ARHGAP10: variants seen among roughly 807,000 people sequenced by gnomAD.
ARHGAP10 encodes Rho GTPase activating protein 10.
In ARHGAP10, 87 loss-of-function variants were observed where a neutral mutation model predicts 108.6. The observed-to-expected ratio is 0.80, with a 90% CI of 0.67 to 0.96. The LOEUF (loss-of-function observed/expected upper bound fraction) is 0.96, where lower values mean the gene tolerates loss of function less well. Among genes scored for constraint, ARHGAP10 ranks in the 40% least tolerant of loss-of-function variants. ARHGAP10 has a pLI of 0.00. For missense variants in ARHGAP10, 939 were observed against 954.5 expected (o/e 0.98, Z 0.21); for synonymous variants, 347 against 341.1 (o/e 1.02, Z -0.19).
In ARHGAP10 at chr4:148,016,525, G is replaced by A. The variant is rs138517590; in HGVS notation, c.1717-6738G>A. Among the ~76,000 whole-genome samples, 373 of 152,018 alleles carry A rather than the reference G, an allele frequency of 2.5e-3. 1 individual carries two copies. The highest frequency in any genetic ancestry group is 8.6e-3 in the African/African-American group (357 of 41,414). ...TCTCTGAAAGAAAAAAAAAATTGAG[G>A]GAAAAAATGCAAATTGTTTTTTTCT... On this transcript the variant is annotated intron_variant, in intron 18 of 22. Transcript: ENST00000336498.
At chr4:147,819,198 C>CCA (rs1732383679) in intron 1 of ARHGAP10, among the ~76,000 whole-genome samples, 1 of 152,102 alleles carries the variant, frequency 6.6e-6, no homozygotes, top group African/African-American at 2.4e-5. Flanking sequence ...ATATGAAACA[C>CCA]CATCTTTAAA....
At chr4:147,972,662 C>G (rs1056318982) in intron 18 of ARHGAP10, among the ~76,000 whole-genome samples, 4 of 152,124 alleles carry the variant, frequency 2.6e-5, no homozygotes, top group African/African-American at 4.8e-5. Flanking sequence ...GTCAAGGATG[C>G]CAGATACGTC....
intron 1 of ARHGAP10, among the ~76,000 whole-genome samples, chr4:147,752,836 A>G (rs1254807017): frequency 1.3e-5 from 2 of 152,202 alleles, no homozygotes; most frequent in Non-Finnish European, 2.9e-5. Flanking sequence ...CTGCTTTACT[A>G]TTAATGCTGA....
chr4:148,029,785 T>C (rs187485322), intron 19 of ARHGAP10, among the ~76,000 whole-genome samples: 157 of 152,320 alleles, frequency 1.0e-3, no homozygotes, highest in African/African-American at 3.7e-3. Flanking sequence ...TACTGTGTTG[T>C]GAAGTTTAAT....
At chr4:148,000,480 A>G (rs1270583247) in intron 18 of ARHGAP10, among the ~76,000 whole-genome samples, 2 of 152,220 alleles carry the variant, frequency 1.3e-5, no homozygotes, top group South Asian at 2.1e-4. Context: ...TTCTAGTTCT[A>G]GATCCTTGAG....
intron 12 of ARHGAP10, 88 bp from the exon 13 acceptor site, chr4:147,912,986 G>C: frequency 7.7e-7 from 1 of 1,299,836 alleles, no homozygotes. Flanking sequence ...AATTAGTTTG[G>C]ATTTAAATAA....
chr4:148,032,787 C>T (rs562874434), intron 19 of ARHGAP10, among the ~76,000 whole-genome samples: 6 of 151,930 alleles, frequency 3.9e-5, no homozygotes, highest in African/African-American at 1.5e-4. Flanking sequence ...ACCAAAAGCC[C>T]GAAAGCCCAC....
chr4:147,952,320 TG>T (rs1165225774), intron 15 of ARHGAP10, among the ~76,000 whole-genome samples: 2 of 152,208 alleles, frequency 1.3e-5, no homozygotes, highest in Non-Finnish European at 2.9e-5. Context: ...CTTAACTTTT[TG>T]GGAAACTGAC....
At chr4:147,764,018 G>A (rs1463150147) in intron 1 of ARHGAP10, among the ~76,000 whole-genome samples, 1 of 152,168 alleles carries the variant, frequency 6.6e-6, no homozygotes, top group Non-Finnish European at 1.5e-5. Context: ...GCCTCCTAAA[G>A]TCCTGGGATT....
chr4:147,780,849 CACCTAGG>C (rs1290184458), intron 1 of ARHGAP10, among the ~76,000 whole-genome samples: 2 of 152,120 alleles, frequency 1.3e-5, no homozygotes, highest in Admixed American at 1.3e-4. Flanking sequence ...AGAGCAAGTC[CACCTAGG>C]GTGGACTGGG....
intron 1 of ARHGAP10, among the ~76,000 whole-genome samples, chr4:147,744,803 G>T (rs1393384927): frequency 6.6e-6 from 1 of 151,120 alleles, no homozygotes; most frequent in Non-Finnish European, 1.5e-5. Flanking sequence ...ATGTTCAATA[G>T]TGTGTTTCTT....
intron 18 of ARHGAP10, among the ~76,000 whole-genome samples, chr4:147,999,484 C>A (rs1182399627): frequency 6.6e-6 from 1 of 152,248 alleles, no homozygotes; most frequent in Non-Finnish European, 1.5e-5. Flanking sequence ...TGACTTCCAT[C>A]CCTCCGGATC....
intron 1 of ARHGAP10, among the ~76,000 whole-genome samples, chr4:147,767,333 T>G (rs954574333): frequency 6.6e-6 from 1 of 151,686 alleles, no homozygotes; most frequent in Non-Finnish European, 1.5e-5. Flanking sequence ...GAAACATAAG[T>G]GAAGCCTTAA....
chr4:147,845,256 C>G (rs932403723), intron 3 of ARHGAP10, among the ~76,000 whole-genome samples: 1 of 152,202 alleles, frequency 6.6e-6, no homozygotes, highest in African/African-American at 2.4e-5. Context: ...GCATTCCTCA[C>G]TGTACTCCTA....
chr4:147,795,646 G>A (rs1213836212), intron 1 of ARHGAP10, among the ~76,000 whole-genome samples: 1 of 151,726 alleles, frequency 6.6e-6, no homozygotes, highest in Non-Finnish European at 1.5e-5. Context: ...ACTGGATGAG[G>A]AGCTGCTGGA....
intron 1 of ARHGAP10, among the ~76,000 whole-genome samples, chr4:147,736,120 C>CTGTGTGTGTGTGTGTGTGTGTG (rs10644088): frequency 6.9e-6 from 1 of 144,634 alleles, no homozygotes; most frequent in Admixed American, 7.0e-5. Flanking sequence ...AATTGTCTAG[C>CTGTGTGTGTGTGTGTGTGTGTG]TGTGTGTGTG....
intron 1 of ARHGAP10, among the ~76,000 whole-genome samples, chr4:147,772,154 C>G (rs191117379): frequency 1.3e-5 from 2 of 152,322 alleles, no homozygotes; most frequent in Admixed American, 1.3e-4. Flanking sequence ...TACTTCTGCT[C>G]TCTGCGCACT....
chr4:148,016,442 G>A (rs1486435238), intron 18 of ARHGAP10, among the ~76,000 whole-genome samples: 1 of 152,134 alleles, frequency 6.6e-6, no homozygotes, highest in African/African-American at 2.4e-5. Context: ...GTTCAAGGCT[G>A]CAGCGACCTG....
intron 1 of ARHGAP10, among the ~76,000 whole-genome samples, chr4:147,770,181 C>T (rs914338825): frequency 6.6e-5 from 10 of 152,132 alleles, no homozygotes; most frequent in African/African-American, 2.2e-4. Flanking sequence ...ATTTTGAGCT[C>T]AACTCCAGTC....
Sources: allele counts gnomAD v4.1 joint callset (sites outside exome capture counted in the v4.1 genomes callset), GRCh38; gene constraint gnomAD v4.1.1; transcripts MANE v1.5; gene names NCBI Gene and HGNC (gene_info 2026-07-23, HGNC 2026-07-21).